The following CISD2 variants were observed in gnomAD, a reference collection of about 807,000 sequenced individuals.
CISD2 encodes the protein CDGSH iron sulfur domain 2, also known as CDGSH iron-sulfur domain-containing protein 2.
A neutral mutation model predicts 12.9 loss-of-function variants in CISD2; 1 was observed. That is an observed-to-expected ratio of 0.08 (90% confidence interval 0.03 to 0.37). The LOEUF (loss-of-function observed/expected upper bound fraction) is 0.37, where lower values mean the gene tolerates loss of function less well. Among genes scored for constraint, CISD2 ranks in the 10% least tolerant of loss-of-function variants. The pLI, the probability that CISD2 is intolerant of heterozygous loss-of-function variation, is 0.99. For synonymous variants in CISD2, 50 were observed against 60.6 expected (o/e 0.83, Z 0.81); for missense variants, 97 against 163.1 (o/e 0.59, Z 2.21).
At chr4:102,879,488 A>C (rs140008031) in intron 1 of CISD2, among the ~76,000 whole-genome samples, 1 of 152,282 alleles carries the variant, frequency 6.6e-6, no homozygotes, top group Non-Finnish European at 1.5e-5. Flanking sequence ...AGCGCTTCAC[A>C]AACACAAAGC....
At chr4:102,881,962 C>A (rs1204594115) in intron 1 of CISD2, among the ~76,000 whole-genome samples, 2 of 152,170 alleles carry the variant, frequency 1.3e-5, no homozygotes, top group Non-Finnish European at 2.9e-5. Context: ...GGGGCTGAGG[C>A]AGGCGGATCA....
rs2110409847 is a variant in CISD2, at chr4:102,891,254, A to C, written c.*3824A>C. On this transcript the variant is annotated 3_prime_UTR_variant, in exon 3 of 3. Coordinates refer to ENST00000273986, the MANE Select transcript of CISD2 (RefSeq NM_001008388.5). ...CAGAGTCTACTTATTCTTACTTCAC[A>C]TTGAATTCTAACAAGTTTGGTTATC... is the stretch of plus-strand genomic sequence containing the variant. 1 of 152,324 alleles carries C rather than the reference A, an allele frequency of 6.6e-6. No individual in the cohort carries two copies. Among genetic ancestry groups the C allele is most frequent in the East Asian group, 1.9e-4 (1 of 5,186 alleles). 9.4% of individuals were successfully genotyped at this position (152,324 alleles called of 1,614,324 possible).
intron 1 of CISD2, chr4:102,869,540 G>A: frequency 1.4e-6 from 1 of 702,072 alleles, no homozygotes; most frequent in Non-Finnish European, 2.6e-6. Flanking sequence ...TTTAAAGCGG[G>A]CTAAGTCGTC....
chr4:102,882,300 A>C (rs902583471), intron 1 of CISD2, among the ~76,000 whole-genome samples: 1 of 152,224 alleles, frequency 6.6e-6, no homozygotes, highest in Non-Finnish European at 1.5e-5. Flanking sequence ...ATAATACTTA[A>C]TGTTATTCTA....
chr4:102,871,914 T>C (rs900789797), intron 1 of CISD2, among the ~76,000 whole-genome samples: 1 of 151,892 alleles, frequency 6.6e-6, no homozygotes, highest in Admixed American at 6.6e-5. Flanking sequence ...TGACTCTGCA[T>C]TCTTAGAAAC....
Position 102,869,192 on chromosome 4 carries a change from T to C in CISD2, c.103+5T>C. The stretch of plus-strand genomic sequence containing the variant: ...CCGGGTTCGCTAGGCTCACAGGTAA[T>C]CCTCCCCCATCAGCCAGTCCCCATC... On this transcript the variant is annotated splice_donor_5th_base_variant and intron_variant, in intron 1 of 2. Coordinates refer to ENST00000273986, the MANE Select transcript of CISD2 (RefSeq NM_001008388.5). 2 of 1,598,854 alleles carry C rather than the reference T, an allele frequency of 1.3e-6. No homozygotes were observed. The highest frequency in any genetic ancestry group is 1.7e-6 in the Non-Finnish European group (2 of 1,173,032).
chr4:102,885,029 A>G, intron 1 of CISD2, 187 bp from the exon 2 acceptor site: 1 of 573,008 alleles, frequency 1.7e-6, no homozygotes, highest in Middle Eastern at 4.1e-4. Flanking sequence ...GTCTCAAATT[A>G]TAAATAAAGT....
chr4:102,877,079 T>G (rs944795088), intron 1 of CISD2, among the ~76,000 whole-genome samples: 2 of 152,300 alleles, frequency 1.3e-5, no homozygotes, highest in South Asian at 2.1e-4. Flanking sequence ...CCAAGCCATA[T>G]TATTCCACCC....
chr4:102,876,545 C>T lies in CISD2; in HGVS notation c.103+7358C>T, dbSNP rs111858222. The stretch of plus-strand genomic sequence containing the variant: ...TGGGCAGATCATGAGGTCAGGAGAT[C>T]GAGACCATCCTGGTCAACATGGTGA... On this transcript the variant is annotated intron_variant, in intron 1 of 2. Coordinates refer to ENST00000273986, the MANE Select transcript of CISD2 (RefSeq NM_001008388.5). 1.4e-4 allele frequency among the ~76,000 whole-genome samples: 21 copies of T among 152,152 alleles called. No individual in the cohort carries two copies. In the East Asian group the frequency reaches 2.7e-3, roughly 20 times the overall value.
At chr4:102,869,371 G>C in intron 1 of CISD2, 184 bp downstream of exon 1, 2 of 791,982 alleles carry the variant, frequency 2.5e-6, no homozygotes, top group South Asian at 1.4e-5. Context: ...GGCAGTCTCC[G>C]GGTGCTTGAT....
chr4:102,889,360 AC>A lies in CISD2; in HGVS notation c.*1932del, dbSNP rs1734112542. ...GGTCACCAGACTTTGGAAAAAATCC[AC>A]CTCACCAAAATTTTGGATATCCTGA... On this transcript the variant is annotated 3_prime_UTR_variant, in exon 3 of 3. Transcript: ENST00000273986. 1 of 152,220 alleles carries A rather than the reference AC, an allele frequency of 6.6e-6. No homozygotes were observed. The highest frequency in any genetic ancestry group is 1.5e-5 in the Non-Finnish European group (1 of 68,038). 9.4% of individuals were successfully genotyped at this position (152,220 alleles called of 1,614,324 possible).
intron 1 of CISD2, among the ~76,000 whole-genome samples, chr4:102,877,716 C>G (rs1733622555): frequency 6.6e-6 from 1 of 152,250 alleles, no homozygotes; most frequent in Non-Finnish European, 1.5e-5. Context: ...TCTGCCTGGA[C>G]ATCCAGGTGT....
chr4:102,879,294 A>G (rs966638902), intron 1 of CISD2, among the ~76,000 whole-genome samples: 2 of 152,086 alleles, frequency 1.3e-5, no homozygotes, highest in Non-Finnish European at 2.9e-5. Flanking sequence ...TATAGTAAAA[A>G]TTTGTTTAAC....
rs1734254853 is a variant in CISD2 at position 102,891,648 on chromosome 4, T to C, written c.*4218T>C. ...TAAAATATATTGACTTACTCGATGATTGGAGGCTTTATCACAGGAAGTTTT... is the reference window on the plus strand; with the variant it reads ...TAAAATATATTGACTTACTCGATGACTGGAGGCTTTATCACAGGAAGTTTT... On this transcript the variant is annotated 3_prime_UTR_variant, in exon 3 of 3. Coordinates refer to ENST00000273986, the MANE Select transcript of CISD2 (RefSeq NM_001008388.5). 1 of 152,224 alleles carries C rather than the reference T, an allele frequency of 6.6e-6. No individual in the cohort carries two copies. Among genetic ancestry groups the C allele is most frequent in the Admixed American group, 6.5e-5 (1 of 15,282 alleles). The allele number at this position is 152,224 out of a possible 1,614,324, so 9.4% of individuals were successfully genotyped here.
rs181085468 is a variant in CISD2 at position 102,888,925 on chromosome 4, C to G, written c.*1495C>G. 6.6e-5 allele frequency: 10 copies of G among 152,358 alleles called. No individual in the cohort carries two copies. In the East Asian group the frequency reaches 1.9e-3, roughly 29 times the overall value. 9.4% of individuals were successfully genotyped at this position (152,358 alleles called of 1,614,324 possible). On this transcript the variant is annotated 3_prime_UTR_variant, in exon 3 of 3. Coordinates refer to ENST00000273986, the MANE Select transcript of CISD2 (RefSeq NM_001008388.5). ...GCTTTTCTTTAGTCTATTTAAGATA[C>G]AGTTTATTCAGTTCACTTTGCTTTC... is the stretch of plus-strand genomic sequence containing the variant.
At chr4:102,886,351 C>T (rs1264458426) in intron 2 of CISD2, among the ~76,000 whole-genome samples, 2 of 151,832 alleles carry the variant, frequency 1.3e-5, no homozygotes, top group Admixed American at 6.6e-5. Context: ...ATTAGCCAGG[C>T]GTGGTGGCAT....
chr4:102,885,111 T>G, intron 1 of CISD2, 105 bp from the exon 2 acceptor site: 1 of 919,834 alleles, frequency 1.1e-6, no homozygotes, highest in Non-Finnish European at 1.8e-6. Flanking sequence ...TAAAAAGGAA[T>G]TAATGTAAAA....
At chr4:102,880,813 T>C (rs1259510418) in intron 1 of CISD2, among the ~76,000 whole-genome samples, 1 of 151,792 alleles carries the variant, frequency 6.6e-6, no homozygotes, top group Non-Finnish European at 1.5e-5. Flanking sequence ...ACCAACACGG[T>C]GAAACCCCAT....
intron 1 of CISD2, among the ~76,000 whole-genome samples, chr4:102,882,229 A>G (rs1733738555): frequency 8.5e-5 from 13 of 152,122 alleles, no homozygotes; most frequent in Admixed American, 8.5e-4. Flanking sequence ...TTGCGTTCCC[A>G]TTCACTCGCT....
Sources: gnomAD v4.1 joint callset for allele counts (sites outside exome capture counted in the v4.1 genomes callset) on GRCh38, gnomAD v4.1.1 for gene constraint, MANE v1.5 for transcripts, NCBI Gene and HGNC (gene_info 2026-07-23, HGNC 2026-07-21) for gene names.